The following KLF6 variants were observed in gnomAD, a reference collection of about 807,000 sequenced individuals.
KLF6 encodes the protein KLF transcription factor 6, also known as Krueppel-like factor 6.
For synonymous variants in KLF6, 152 were observed against 147.9 expected (o/e 1.03, Z -0.20); for missense variants, 233 against 359.8 (o/e 0.65, Z 2.85).
rs148495338 is a variant in KLF6, at chr10:3,776,222, G to A, written c.*3317C>T. On this transcript the variant is annotated 3_prime_UTR_variant, in exon 4 of 4. Transcript: ENST00000497571. Reference sequence around the variant, plus strand: ...TGGCAGGGAAACACTCAAGTTTGTCGTTGTGCAGGTGCCTCTGCAATGCAT... The same window carrying A: ...TGGCAGGGAAACACTCAAGTTTGTCATTGTGCAGGTGCCTCTGCAATGCAT... 35 of 532,420 alleles carry A rather than the reference G, an allele frequency of 6.6e-5. No homozygotes were observed. Among genetic ancestry groups the A allele is most frequent in the Admixed American group, 5.3e-4 (24 of 44,894 alleles). The allele number at this position is 532,420 out of a possible 1,614,324, so 33.0% of individuals were successfully genotyped here. A position where few individuals can be genotyped will look rare whatever the true frequency, so the allele number is the denominator to read the frequency against.
At position 3,778,304 on chromosome 10, in the gene KLF6, G is replaced by C. The variant is rs1454087190; in HGVS notation, c.*1235C>G. Reference sequence around the variant, plus strand: ...GCTTGCGTAAGGCACCATTATGAAGGTCAACAGTGCATTAACAGCTAGAAA... The same window carrying C: ...GCTTGCGTAAGGCACCATTATGAAGCTCAACAGTGCATTAACAGCTAGAAA... On this transcript the variant is annotated 3_prime_UTR_variant, in exon 4 of 4. Coordinates refer to ENST00000497571, the MANE Select transcript of KLF6 (RefSeq NM_001300.6). 3.8e-6 allele frequency: 2 copies of C among 526,754 alleles called. No homozygotes were observed. The highest frequency in any genetic ancestry group is 3.8e-5 in the African/African-American group (2 of 53,328). The allele number at this position is 526,754 out of a possible 1,614,324, so 32.6% of individuals were successfully genotyped here. A position where few individuals can be genotyped will look rare whatever the true frequency, so the allele number is the denominator to read the frequency against.
In KLF6 at chr10:3,777,284, C is replaced by A. The variant is rs549518757; in HGVS notation, c.*2255G>T. ...AGCTGGGTGAAATATCAGCTGTCCA[C>A]GCCGTGGTATGCCAATTCGGGGAAA... is the stretch of plus-strand genomic sequence containing the variant. On this transcript the variant is annotated 3_prime_UTR_variant, in exon 4 of 4. Coordinates refer to ENST00000497571, the MANE Select transcript of KLF6 (RefSeq NM_001300.6). 1 of 515,862 alleles carries A rather than the reference C, an allele frequency of 1.9e-6. No homozygotes were observed. Among genetic ancestry groups the A allele is most frequent in the East Asian group, 4.2e-5 (1 of 23,944 alleles). 32.0% of individuals were successfully genotyped at this position (515,862 alleles called of 1,614,324 possible).
At position 3,781,877 on chromosome 10, in the gene KLF6, G is replaced by A. The variant is rs199602374; in HGVS notation, c.440C>T (p.Thr147Met). The stretch of plus-strand genomic sequence containing the variant: ...GCTCAGTTCCGGAGAAGATGGAGGC[G>A]TGGAGGTGACAGAGGAGCTCAATTT... Reference protein sequence around the residue: ...SGKLSSSVTSTPPSSPELSRE... With the variant: ...SGKLSSSVTSMPPSSPELSRE... Residue 147 changes from threonine (T) to methionine (M), a missense_variant, in exon 2 of 4, where the codon ACG (threonine) becomes ATG (methionine). Coordinates refer to ENST00000497571, the MANE Select transcript of KLF6 (RefSeq NM_001300.6). This position sits in a 1 kb window ranked among gnomAD's most constrained non-coding sequence, Gnocchi z 5.8. 3.7e-6 allele frequency: 6 copies of A among 1,614,254 alleles called. No individual in the cohort carries two copies. Among genetic ancestry groups the A allele is most frequent in the African/African-American group, 1.3e-5 (1 of 75,076 alleles).
chr10:3,778,512 CT>C lies in KLF6; in HGVS notation c.*1026del. 1 of 524,000 alleles carries C rather than the reference CT, an allele frequency of 1.9e-6. No individual in the cohort carries two copies. Among genetic ancestry groups the C allele is most frequent in the Non-Finnish European group, 3.7e-6 (1 of 269,850 alleles). The allele number at this position is 524,000 out of a possible 1,614,324, so 32.5% of individuals were successfully genotyped here. ...ACACTCAATACGTGTCCAATTTCTT[CT>C]AAGGGCATCACAGAATTCTCCAAAA... On this transcript the variant is annotated 3_prime_UTR_variant, in exon 4 of 4. Transcript: ENST00000497571.
In KLF6 at chr10:3,778,884, A is replaced by G. The variant is rs1344995480; in HGVS notation, c.*655T>C. The G allele has an allele frequency of 1.3e-5, 7 of 534,212 alleles. No homozygotes were observed. Among genetic ancestry groups the G allele is most frequent in the African/African-American group, 1.9e-5 (1 of 53,844 alleles). 33.1% of individuals were successfully genotyped at this position (534,212 alleles called of 1,614,324 possible). ...GCGTGTAAAACAAGCTACTTGACAC[A>G]TTGCACATTTAATAGCTGCACCAGA... On this transcript the variant is annotated 3_prime_UTR_variant, in exon 4 of 4. Coordinates refer to ENST00000497571, the MANE Select transcript of KLF6 (RefSeq NM_001300.6).
rs1199849302 is a variant in KLF6 at position 3,776,901 on chromosome 10, T to C, written c.*2638A>G. The C allele has an allele frequency of 5.7e-6, 3 of 522,150 alleles. No homozygotes were observed. The highest frequency in any genetic ancestry group is 1.1e-5 in the Non-Finnish European group (3 of 271,364). 32.3% of individuals were successfully genotyped at this position (522,150 alleles called of 1,614,324 possible). A position where few individuals can be genotyped will look rare whatever the true frequency, so the allele number is the denominator to read the frequency against. On this transcript the variant is annotated 3_prime_UTR_variant, in exon 4 of 4. Coordinates refer to ENST00000497571, the MANE Select transcript of KLF6 (RefSeq NM_001300.6). ...AAACAGCTCCGACATGTTTCGTAAG[T>C]GAGACAAGCCAGTGCAAGTTTTTTT...
chr10:3,783,123 T>C (rs1165957519), intron 1 of KLF6: 2 of 152,210 alleles, frequency 1.3e-5, no homozygotes, highest in Admixed American at 1.3e-4. Flanking sequence ...AGACTTCCTT[T>C]TGAAATTCTC....
At position 3,778,142 on chromosome 10, in the gene KLF6, T is replaced by C. The variant is rs1046114693; in HGVS notation, c.*1397A>G. On this transcript the variant is annotated 3_prime_UTR_variant, in exon 4 of 4. Transcript: ENST00000497571. ...GACATGTAAAGGGAGTTTCACTCTA[T>C]GTCTTTGTGAAGGAGGACCTTAAAG... is the stretch of plus-strand genomic sequence containing the variant. 10 of 519,578 alleles carry C rather than the reference T, an allele frequency of 1.9e-5. No homozygotes were observed. Among genetic ancestry groups the C allele is most frequent in the South Asian group, 1.5e-4 (10 of 65,050 alleles). The allele number at this position is 519,578 out of a possible 1,614,324, so 32.2% of individuals were successfully genotyped here.
chr10:3,781,589 A>G lies in KLF6; in HGVS notation c.676+52T>C. Reference sequence around the variant, plus strand: ...CCCGGCTCCCTCCAGGGCTGGTGCAATGCAGTGGCGCCCACCAGCGGCCGC... The same window carrying G: ...CCCGGCTCCCTCCAGGGCTGGTGCAGTGCAGTGGCGCCCACCAGCGGCCGC... On this transcript the variant is annotated intron_variant, in intron 2 of 3. Transcript: ENST00000497571. This position sits in a 1 kb window ranked among gnomAD's most constrained non-coding sequence, Gnocchi z 5.8. 1 of 1,603,432 alleles carries G rather than the reference A, an allele frequency of 6.2e-7. No homozygotes were observed. Among genetic ancestry groups the G allele is most frequent in the Non-Finnish European group, 8.5e-7 (1 of 1,174,956 alleles).
In KLF6 at chr10:3,779,413, G is replaced by A; in HGVS notation, c.*126C>T. 1 of 809,818 alleles carries A rather than the reference G, an allele frequency of 1.2e-6. No homozygotes were observed. The highest frequency in any genetic ancestry group is 1.4e-5 in the South Asian group (1 of 70,628). 50.2% of individuals were successfully genotyped at this position (809,818 alleles called of 1,614,324 possible). A position where few individuals can be genotyped will look rare whatever the true frequency, so the allele number is the denominator to read the frequency against. ...TAGCCCTCAAAAGACCTTCCAAGGAGAGGCCCTGGAGGCAACTGGGTAGGG... is the reference window on the plus strand; with the variant it reads ...TAGCCCTCAAAAGACCTTCCAAGGAAAGGCCCTGGAGGCAACTGGGTAGGG... On this transcript the variant is annotated 3_prime_UTR_variant, in exon 4 of 4. Transcript: ENST00000497571.
chr10:3,781,885 G>C lies in KLF6; in HGVS notation c.432C>G (p.Val144=). ...LVSSGKLSSS[V]TSTPPSSPEL... ...CCGGAGAAGATGGAGGCGTGGAGGT[G>C]ACAGAGGAGCTCAATTTTCCCGAGC... is the stretch of plus-strand genomic sequence containing the variant. Residue 144 remains valine (V), a synonymous_variant, in exon 2 of 4, where the codon GTC becomes GTG. Coordinates refer to ENST00000497571, the MANE Select transcript of KLF6 (RefSeq NM_001300.6). This position sits in a 1 kb window ranked among gnomAD's most constrained non-coding sequence, Gnocchi z 5.8. 6.2e-7 allele frequency: 1 copy of C among 1,614,220 alleles called. No homozygotes were observed. Among genetic ancestry groups the C allele is most frequent in the Non-Finnish European group, 8.5e-7 (1 of 1,180,044 alleles).
At position 3,778,048 on chromosome 10, in the gene KLF6, A is replaced by AT. The variant is rs1832433443; in HGVS notation, c.*1490dup. ...GTCTCAAGGTGGCAGAATTGGTCAG[A>AT]TTTTTCCATTTTCCTGTTTTCCATT... On this transcript the variant is annotated 3_prime_UTR_variant, in exon 4 of 4. Transcript: ENST00000497571. 1 of 512,176 alleles carries AT rather than the reference A, an allele frequency of 2.0e-6. No individual in the cohort carries two copies. The highest frequency in any genetic ancestry group is 1.9e-5 in the African/African-American group (1 of 52,560). The allele number at this position is 512,176 out of a possible 1,614,324, so 31.7% of individuals were successfully genotyped here.
Position 3,781,544 on chromosome 10 carries a change from C to T in KLF6, c.676+97G>A. Reference sequence around the variant, plus strand: ...GGAAGTGAGGATTTGTCTGCCCTGACCACATCCTGTGCAGCCAGGCCCGGC... The same window carrying T: ...GGAAGTGAGGATTTGTCTGCCCTGATCACATCCTGTGCAGCCAGGCCCGGC... On this transcript the variant is annotated intron_variant, in intron 2 of 3. Coordinates refer to ENST00000497571, the MANE Select transcript of KLF6 (RefSeq NM_001300.6). The surrounding 1 kb of genome is among the most constrained non-coding windows in gnomAD (Gnocchi z 5.8). The T allele has an allele frequency of 1.3e-6, 2 of 1,566,840 alleles. No homozygotes were observed. Among genetic ancestry groups the T allele is most frequent in the South Asian group, 1.2e-5 (1 of 86,400 alleles).
At chr10:3,783,960 G>A (rs1209568505) in intron 1 of KLF6, among the ~76,000 whole-genome samples, 1 of 152,172 alleles carries the variant, frequency 6.6e-6, no homozygotes, top group Non-Finnish European at 1.5e-5. Context: ...GGAGAGGACT[G>A]TGAACAATTA....
At position 3,780,591 on chromosome 10, in the gene KLF6, G is replaced by A; in HGVS notation, c.677-362C>T. The stretch of plus-strand genomic sequence containing the variant: ...AGCTATTGCTTTCTTCATGGCAACT[G>A]TTTCTCCCAAACACACTTCTGTTCC... On this transcript the variant is annotated intron_variant, in intron 2 of 3. Coordinates refer to ENST00000497571, the MANE Select transcript of KLF6 (RefSeq NM_001300.6). The surrounding 1 kb of genome is among the most constrained non-coding windows in gnomAD (Gnocchi z 4.6). The A allele has an allele frequency of 2.7e-6, 1 of 372,048 alleles. No individual in the cohort carries two copies. Among genetic ancestry groups the A allele is most frequent in the Non-Finnish European group, 5.2e-6 (1 of 191,484 alleles). 23.0% of individuals were successfully genotyped at this position (372,048 alleles called of 1,614,324 possible).
In KLF6 at chr10:3,779,532, T is replaced by C; in HGVS notation, c.*7A>G. The stretch of plus-strand genomic sequence containing the variant: ...TTTTAGCCTACAGGATCCACCTCTC[T>C]GCTCCCTCAGAGGTGCCTCTTCATG... On this transcript the variant is annotated 3_prime_UTR_variant, in exon 4 of 4. Transcript: ENST00000497571. The C allele has an allele frequency of 6.2e-7, 1 of 1,612,690 alleles. No homozygotes were observed. Among genetic ancestry groups the C allele is most frequent in the Non-Finnish European group, 8.5e-7 (1 of 1,178,618 alleles).
In KLF6 at chr10:3,777,296, C is replaced by A; in HGVS notation, c.*2243G>T. 1.9e-6 allele frequency: 1 copy of A among 514,434 alleles called. No homozygotes were observed. Among genetic ancestry groups the A allele is most frequent in the Non-Finnish European group, 3.8e-6 (1 of 263,630 alleles). The allele number at this position is 514,434 out of a possible 1,614,324, so 31.9% of individuals were successfully genotyped here. ...TATCAGCTGTCCACGCCGTGGTATG[C>A]CAATTCGGGGAAATTACTCCTTGGA... is the stretch of plus-strand genomic sequence containing the variant. On this transcript the variant is annotated 3_prime_UTR_variant, in exon 4 of 4. Coordinates refer to ENST00000497571, the MANE Select transcript of KLF6 (RefSeq NM_001300.6).
intron 1 of KLF6, among the ~76,000 whole-genome samples, chr10:3,783,023 G>C (rs1383715683): frequency 6.6e-6 from 1 of 152,212 alleles, no homozygotes; most frequent in African/African-American, 2.4e-5. Flanking sequence ...GCCCTGCTGG[G>C]AGTCCCACAA....
In KLF6 at chr10:3,780,502, GACCAGCAAA is replaced by G. The variant is rs1832493077; in HGVS notation, c.677-282_677-274del. 1.8e-5 allele frequency: 9 copies of G among 508,432 alleles called. No individual in the cohort carries two copies. 31.5% of individuals were successfully genotyped at this position (508,432 alleles called of 1,614,324 possible). A position where few individuals can be genotyped will look rare whatever the true frequency, so the allele number is the denominator to read the frequency against. ...AACGTGGAAGAACGACCACGACTCA[GACCAGCAAA>G]ATGCTTGCGGGATGAGGTGTCAGCC... On this transcript the variant is annotated intron_variant, in intron 2 of 3. Coordinates refer to ENST00000497571, the MANE Select transcript of KLF6 (RefSeq NM_001300.6). This position sits in a 1 kb window ranked among gnomAD's most constrained non-coding sequence, Gnocchi z 4.6.
Sources: allele counts gnomAD v4.1 joint callset (sites outside exome capture counted in the v4.1 genomes callset), GRCh38; gene constraint gnomAD v4.1.1; non-coding constraint Gnocchi (gnomAD v3.1); transcripts MANE v1.5; gene names NCBI Gene and HGNC (gene_info 2026-07-23, HGNC 2026-07-21).